The following CIZ1 variants were observed in gnomAD, a reference collection of about 807,000 sequenced individuals.
The protein encoded by CIZ1 is CDKN1A interacting zinc finger protein 1, also known as cip1-interacting zinc finger protein.
Under a neutral mutation model 118.6 loss-of-function variants are expected in CIZ1, and 58 were observed. The ratio of observed to expected loss-of-function variants is 0.49; its 90% CI spans 0.40 to 0.61. The LOEUF is 0.61. Ranked by LOEUF, CIZ1 falls within the 20% of genes least tolerant of loss-of-function variation. The probability of loss-of-function intolerance (pLI) is 0.00; values close to 1 mark genes in which losing one functional copy is unlikely to be tolerated. For missense variants in CIZ1, 921 were observed against 1,115.9 expected (o/e 0.83, Z 2.49); for synonymous variants, 448 against 443.4 (o/e 1.01, Z -0.13).
chr9:128,171,571 C>CA (rs11327796), intron 11 of CIZ1, among the ~76,000 whole-genome samples: 264 of 111,900 alleles, frequency 2.4e-3, no homozygotes, highest in East Asian at 4.6e-3. Flanking sequence ...ACTAAGAATA[C>CA]AAAAAAAAAA....
intron 4 of CIZ1, among the ~76,000 whole-genome samples, chr9:128,187,056 C>T (rs1832470404): frequency 6.6e-6 from 1 of 151,726 alleles, no homozygotes; most frequent in South Asian, 2.1e-4. Context: ...TCTCCTGCCT[C>T]AGCCTCCCGA....
At chr9:128,198,698 GGT>G (rs1564310699) in intron 1 of CIZ1, among the ~76,000 whole-genome samples, 1 of 152,102 alleles carries the variant, frequency 6.6e-6, no homozygotes, top group African/African-American at 2.4e-5. Flanking sequence ...CAGGTGTGGT[GGT>G]GAGTGCCTGT....
chr9:128,192,471 A>T (rs1833235480), upstream of CIZ1, among the ~76,000 whole-genome samples: 1 of 151,132 alleles, frequency 6.6e-6, no homozygotes, highest in Non-Finnish European at 1.5e-5. Flanking sequence ...CCCCCTTAAC[A>T]ACCGCTGTAT....
At position 128,183,477 on chromosome 9, in the gene CIZ1, C is replaced by T. The variant is rs142876804; in HGVS notation, c.588+2070G>A. Among the ~76,000 whole-genome samples, 63 of 152,342 alleles carry T rather than the reference C, an allele frequency of 4.1e-4. 1 individual carries two copies. The highest frequency in any genetic ancestry group is 7.5e-4 in the Non-Finnish European group (51 of 68,024). On this transcript the variant is annotated intron_variant, in intron 5 of 16. Transcript: ENST00000372938. ...AAATGCCTTACCTCCAGAAGTGGCC[C>T]GCCCTGGAGTGGCCAGCAAAGGGGG... is the stretch of plus-strand genomic sequence containing the variant.
upstream of CIZ1, among the ~76,000 whole-genome samples, chr9:128,192,354 A>G (rs2131036293): frequency 7.2e-6 from 1 of 138,082 alleles, no homozygotes; most frequent in South Asian, 2.5e-4. Context: ...TGAGCGACAG[A>G]GCAAGAGCTG....
At chr9:128,179,635 A>G (rs1399663916) in intron 7 of CIZ1, among the ~76,000 whole-genome samples, 1 of 151,966 alleles carries the variant, frequency 6.6e-6, no homozygotes, top group Admixed American at 6.6e-5. Flanking sequence ...GCCCAGCCCA[A>G]GACTGTTTCT....
At chr9:128,188,117 C>CAAAAAAAA (rs34796767) in intron 3 of CIZ1, among the ~76,000 whole-genome samples, 183 bp from the exon 4 acceptor site, 2 of 104,794 alleles carry the variant, frequency 1.9e-5, no homozygotes, top group Non-Finnish European at 3.9e-5. Flanking sequence ...AAGAAAAAAG[C>CAAAAAAAA]AAAAAAAAAA....
rs577620263 is a variant in CIZ1 at position 128,167,440 on chromosome 9, C to A, written c.2296-276G>T. The stretch of plus-strand genomic sequence containing the variant: ...CGCCATAATCCACGCCAGGTGTGCC[C>A]AAGACATCATGTGTCATTTGACTGA... On this transcript the variant is annotated intron_variant, in intron 14 of 16. Transcript: ENST00000372938. 1.3e-5 allele frequency: 6 copies of A among 446,478 alleles called. No homozygotes were observed. The East Asian group carries it at 2.0e-4, about 15-fold the overall frequency. 27.7% of individuals were successfully genotyped at this position (446,478 alleles called of 1,614,324 possible).
chr9:128,177,899 A>G, intron 9 of CIZ1, 136 bp from the exon 10 acceptor site: 1 of 654,486 alleles, frequency 1.5e-6, no homozygotes, highest in Non-Finnish European at 2.5e-6. Flanking sequence ...CTGTTAGCTG[A>G]CTACCCCAGC....
At chr9:128,175,494 G>T (rs1830742058) in intron 11 of CIZ1, among the ~76,000 whole-genome samples, 1 of 152,104 alleles carries the variant, frequency 6.6e-6, no homozygotes, top group East Asian at 1.9e-4. Context: ...GGCAAGCGGA[G>T]GCCAACCAAG....
chr9:128,189,729 A>T (rs1231280624), intron 3 of CIZ1, among the ~76,000 whole-genome samples: 1 of 146,648 alleles, frequency 6.8e-6, no homozygotes. Context: ...CTAAGGCAGG[A>T]GAATTGCTTG....
chr9:128,193,745 G>A (rs946129370), upstream of CIZ1, among the ~76,000 whole-genome samples: 3 of 152,126 alleles, frequency 2.0e-5, no homozygotes, highest in African/African-American at 7.2e-5. Context: ...AGGCTGCCAA[G>A]CAAGCATGTT....
upstream of CIZ1, among the ~76,000 whole-genome samples, chr9:128,193,353 T>A (rs1356248584): frequency 6.6e-6 from 1 of 151,832 alleles, no homozygotes; most frequent in Non-Finnish European, 1.5e-5. Context: ...ATCTGCCAAT[T>A]AGAAAACCCG....
In CIZ1 at chr9:128,180,833, T is replaced by C; in HGVS notation, c.589-19A>G. 16 of 1,568,618 alleles carry C rather than the reference T, an allele frequency of 1.0e-5. No homozygotes were observed. Among genetic ancestry groups the C allele is most frequent in the Non-Finnish European group, 1.3e-5 (15 of 1,144,856 alleles). ...AAGAATCCTGCTTCCTTTCAGAAAC[T>C]ATGTTGACATCCAATACCCACCCCT... On this transcript the variant is annotated intron_variant, in intron 5 of 16. Coordinates refer to ENST00000372938, the MANE Select transcript of CIZ1 (RefSeq NM_001131016.2).
chr9:128,182,816 G>T (rs2130980195), intron 5 of CIZ1, among the ~76,000 whole-genome samples: 1 of 151,720 alleles, frequency 6.6e-6, no homozygotes, highest in East Asian at 1.9e-4. Flanking sequence ...TAGAGCCAGG[G>T]TCTCACTGTG....
chr9:128,188,448 CT>C (rs1038374314), intron 3 of CIZ1, among the ~76,000 whole-genome samples: 4 of 152,044 alleles, frequency 2.6e-5, no homozygotes, highest in Admixed American at 6.6e-5. Context: ...CATTTTTAAC[CT>C]TTTTTTCCAC....
chr9:128,193,058 C>T (rs1833269758), upstream of CIZ1, among the ~76,000 whole-genome samples: 1 of 152,212 alleles, frequency 6.6e-6, no homozygotes, highest in Non-Finnish European at 1.5e-5. Context: ...ATGTGACGAG[C>T]GCCGCTCCAA....
At position 128,177,754 on chromosome 9, in the gene CIZ1, C is replaced by T. The variant is rs371013809; in HGVS notation, c.1630G>A (p.Ala544Thr). 14 of 1,594,120 alleles carry T rather than the reference C, an allele frequency of 8.8e-6. No homozygotes were observed. Among genetic ancestry groups the T allele is most frequent in the South Asian group, 4.5e-5 (4 of 87,920 alleles). The change falls in exon 10 of 17, where the codon GCC becomes ACC. Residue 544 changes from alanine (A) to threonine (T), a missense_variant. By Grantham distance (58) the Ala-to-Thr change is moderately conservative. Transcript: ENST00000372938. ...RAREMPGVWG[A>T]GGSLKVTILQ... is the part of the protein sequence containing the mutation. ...ATGGTGACCTTCAGGGAGCCCCCGG[C>T]GCCCCATACCTGCATGGGGAGTAGG...
chr9:128,195,523 G>A (rs1430729215), upstream of CIZ1, among the ~76,000 whole-genome samples: 6 of 152,054 alleles, frequency 3.9e-5, no homozygotes, highest in Non-Finnish European at 8.8e-5. Flanking sequence ...CCACCATGTT[G>A]ACTAGGCTGG....
Sources: gnomAD v4.1 joint callset for allele counts (sites outside exome capture counted in the v4.1 genomes callset) on GRCh38, gnomAD v4.1.1 for gene constraint, MANE v1.5 for transcripts, NCBI Gene and HGNC (gene_info 2026-07-23, HGNC 2026-07-21) for gene names.